The following URI1 variants were observed in gnomAD, a reference collection of about 807,000 sequenced individuals.
URI1 encodes unconventional prefoldin RPB5 interactor 1.
In URI1, 39 loss-of-function variants were observed where a neutral mutation model predicts 60.2. The observed-to-expected ratio is 0.65, with a 90% CI of 0.50 to 0.85. The LOEUF is 0.85. Among genes scored for constraint, URI1 ranks in the 40% least tolerant of loss-of-function variants. The pLI is 0.00. For missense variants in URI1, 691 were observed against 665.9 expected (o/e 1.04, Z -0.42); for synonymous variants, 251 against 236.8 (o/e 1.06, Z -0.55).
At chr19:29,968,433 A>G (rs2055415583) in intron 1 of URI1, among the ~76,000 whole-genome samples, 1 of 152,102 alleles carries the variant, frequency 6.6e-6, no homozygotes, top group African/African-American at 2.4e-5. Context: ...AAAATTTAAT[A>G]CTTAAAGTAA....
chr19:29,944,817 C>G (rs115640894), intron 1 of URI1, among the ~76,000 whole-genome samples: 2,472 of 152,210 alleles, frequency 0.016, 72 homozygotes, highest in African/African-American at 0.057. Flanking sequence ...GACAGGAGAC[C>G]CACAAGGCCA....
In URI1 at chr19:29,963,788, G is replaced by C. The variant is rs546644896; in HGVS notation, c.118-7405G>C. Among the ~76,000 whole-genome samples the C allele has an allele frequency of 3.3e-5, 5 of 152,308 alleles. No individual in the cohort carries two copies. The East Asian group carries it at 5.8e-4, about 18-fold the overall frequency. ...TTACTCCGGGCAGGTGCTGGGTGGA[G>C]TGAAGGCCAGGTTGTTGTTTTAGTA... is the stretch of plus-strand genomic sequence containing the variant. On this transcript the variant is annotated intron_variant, in intron 1 of 10. Coordinates refer to ENST00000392271, the MANE Select transcript of URI1 (RefSeq NM_003796.3).
chr19:29,938,318 G>A (rs528133641), upstream of URI1, among the ~76,000 whole-genome samples: 204 of 152,236 alleles, frequency 1.3e-3, no homozygotes, highest in Middle Eastern at 3.4e-3. Context: ...ATGGCAAGTG[G>A]AAGTAAGAGC....
chr19:29,989,760 G>A (rs1424672848), intron 4 of URI1, among the ~76,000 whole-genome samples: 5 of 45,590 alleles, frequency 1.1e-4, no homozygotes, highest in Non-Finnish European at 2.1e-4. Context: ...TCTTACTGTC[G>A]TTTTGAGAGT....
chr19:29,927,261 CTTTTTT>C (rs5827680), intron 1 of URI1, among the ~76,000 whole-genome samples: 1 of 124,860 alleles, frequency 8.0e-6, no homozygotes. Context: ...TTTCATCCCT[CTTTTTT>C]TTTTTTTTTT....
At chr19:29,992,237 T>C (rs1239697621) in intron 4 of URI1, among the ~76,000 whole-genome samples, 1 of 152,144 alleles carries the variant, frequency 6.6e-6, no homozygotes, top group Non-Finnish European at 1.5e-5. Flanking sequence ...GCCCAGCTAA[T>C]CTTTGTATTT....
intron 1 of URI1, among the ~76,000 whole-genome samples, chr19:29,929,428 C>T (rs1241835881): frequency 6.6e-6 from 1 of 152,048 alleles, no homozygotes; most frequent in Non-Finnish European, 1.5e-5. Context: ...GAAACCCCAT[C>T]TCTACTAAAA....
At chr19:29,931,218 A>G (rs1354138318) in intron 1 of URI1, among the ~76,000 whole-genome samples, 1 of 152,194 alleles carries the variant, frequency 6.6e-6, no homozygotes, top group Non-Finnish European at 1.5e-5. Context: ...GCTTTGGAGA[A>G]CATTGTTGTA....
chr19:29,953,507 A>G (rs1297873205), intron 1 of URI1, among the ~76,000 whole-genome samples: 2 of 152,168 alleles, frequency 1.3e-5, no homozygotes, highest in African/African-American at 4.8e-5. Flanking sequence ...TGAATTCTCA[A>G]CTGTGTTTAT....
At chr19:29,974,519 T>G (rs879796105) in intron 2 of URI1, among the ~76,000 whole-genome samples, 5 of 152,212 alleles carry the variant, frequency 3.3e-5, no homozygotes, top group African/African-American at 4.8e-5. Flanking sequence ...TTGATAATCA[T>G]CAACTCATGA....
intron 1 of URI1, 60 bp downstream of exon 1, chr19:29,942,724 C>G: frequency 7.6e-7 from 1 of 1,318,020 alleles, no homozygotes; most frequent in African/African-American, 1.5e-5. Flanking sequence ...TGCCTGTGCT[C>G]TGGGCCGCCG....
chr19:29,986,218 T>A, intron 3 of URI1, 64 bp from the exon 4 acceptor site: 1 of 1,444,992 alleles, frequency 6.9e-7, no homozygotes, highest in Non-Finnish European at 9.1e-7. Flanking sequence ...TGCGAAGTGT[T>A]TTATAAAATG....
At chr19:29,976,503 G>A (rs1047079820) in intron 2 of URI1, among the ~76,000 whole-genome samples, 2 of 152,180 alleles carry the variant, frequency 1.3e-5, no homozygotes, top group Non-Finnish European at 2.9e-5. Flanking sequence ...GCAAGGCCAC[G>A]TTATGTTGGT....
At chr19:29,963,498 A>G (rs1402585180) in intron 1 of URI1, among the ~76,000 whole-genome samples, 1 of 152,080 alleles carries the variant, frequency 6.6e-6, no homozygotes, top group East Asian at 1.9e-4. Flanking sequence ...TATTCCTTTT[A>G]TCTTTTCCTC....
At chr19:30,003,737 C>CAA (rs1568442877) in intron 4 of URI1, among the ~76,000 whole-genome samples, 1 of 151,972 alleles carries the variant, frequency 6.6e-6, no homozygotes, top group Non-Finnish European at 1.5e-5. Context: ...ATACCTTTAG[C>CAA]TTAGTTGCAC....
intron 4 of URI1, among the ~76,000 whole-genome samples, chr19:29,990,738 G>A (rs2055735860): frequency 6.6e-6 from 1 of 152,152 alleles, no homozygotes; most frequent in African/African-American, 2.4e-5. Context: ...GAGAGTGACT[G>A]CTAAAGAGTA....
At chr19:29,948,304 A>AGT (rs1346434363) in intron 1 of URI1, among the ~76,000 whole-genome samples, 1 of 152,106 alleles carries the variant, frequency 6.6e-6, no homozygotes, top group African/African-American at 2.4e-5. Context: ...AAGTGCTGGT[A>AGT]GTGGGCATCA....
intron 6 of URI1, among the ~76,000 whole-genome samples, chr19:30,005,918 T>G (rs1379144017): frequency 1.3e-5 from 2 of 152,058 alleles, no homozygotes; most frequent in African/African-American, 4.8e-5. Flanking sequence ...CTGGTCTGTT[T>G]TAGTGGTGGG....
intron 4 of URI1, among the ~76,000 whole-genome samples, chr19:30,000,759 T>A (rs932733835): frequency 2.6e-5 from 4 of 152,024 alleles, no homozygotes; most frequent in African/African-American, 9.7e-5. Context: ...GTGCTATGGA[T>A]CCTTTAAAAT....
Sources: gnomAD v4.1 joint callset for allele counts (sites outside exome capture counted in the v4.1 genomes callset) on GRCh38, gnomAD v4.1.1 for gene constraint, MANE v1.5 for transcripts, NCBI Gene and HGNC (gene_info 2026-07-23, HGNC 2026-07-21) for gene names.